The following PTPRM variants were observed in gnomAD, a reference collection of about 807,000 sequenced individuals.
PTPRM encodes protein tyrosine phosphatase receptor type M.
A neutral mutation model predicts 186.7 loss-of-function variants in PTPRM; 47 were observed. The observed-to-expected ratio is 0.25, with a 90% confidence interval of 0.20 to 0.32. The LOEUF (loss-of-function observed/expected upper bound fraction) is 0.32, where lower values mean the gene tolerates loss of function less well. PTPRM is among the 10% of genes least tolerant of loss of function. PTPRM has a pLI of 1.00. For missense variants in PTPRM, 1,494 were observed against 1,865.0 expected, an observed-to-expected ratio of 0.80 and a Z score of 3.66; for synonymous variants, 668 against 674.9, an observed-to-expected ratio of 0.99 and a Z score of 0.16.
chr18:8,376,421 G>A (rs2095695323), intron 25 of PTPRM, 41 bp from the exon 26 acceptor site: 1 of 1,612,974 alleles, frequency 6.2e-7, no homozygotes, highest in South Asian at 1.1e-5. Flanking sequence ...GCAGCAGTGT[G>A]GTCCTTCTTC....
At chr18:7,962,181 A>G (rs1191731977) in intron 7 of PTPRM, among the ~76,000 whole-genome samples, 1 of 152,132 alleles carries the variant, frequency 6.6e-6, no homozygotes, top group Non-Finnish European at 1.5e-5. Context: ...GAACAGATGT[A>G]TTTGTGTAGC....
chr18:8,401,579 C>G (rs1397440010), intron 32 of PTPRM, among the ~76,000 whole-genome samples: 1 of 152,224 alleles, frequency 6.6e-6, no homozygotes, highest in Non-Finnish European at 1.5e-5. Context: ...TCAAAAGCAA[C>G]CAGGTCAGAG....
intron 1 of PTPRM, among the ~76,000 whole-genome samples, chr18:7,766,762 G>T (rs1162565391): frequency 6.6e-6 from 1 of 152,156 alleles, no homozygotes; most frequent in Non-Finnish European, 1.5e-5. Flanking sequence ...ATACCTTCTT[G>T]CCCACTAGTA....
At chr18:7,805,842 A>G (rs1403479677) in intron 2 of PTPRM, among the ~76,000 whole-genome samples, 1 of 152,240 alleles carries the variant, frequency 6.6e-6, no homozygotes, top group African/African-American at 2.4e-5. Context: ...TAAAATGGAT[A>G]GCACCCTTCA....
At chr18:7,963,138 A>G (rs537202387) in intron 7 of PTPRM, among the ~76,000 whole-genome samples, 42 of 152,376 alleles carry the variant, frequency 2.8e-4, no homozygotes, top group South Asian at 1.2e-3. Context: ...TACCTTCCCT[A>G]TTATGCTGCA....
At chr18:7,772,744 A>G (rs1458776431) in intron 1 of PTPRM, among the ~76,000 whole-genome samples, 1 of 152,090 alleles carries the variant, frequency 6.6e-6, no homozygotes, top group Non-Finnish European at 1.5e-5. Context: ...CTGAGGTTGG[A>G]CAATGGCTGT....
intron 2 of PTPRM, among the ~76,000 whole-genome samples, chr18:7,881,296 A>G (rs2048493558): frequency 1.3e-5 from 2 of 152,028 alleles, no homozygotes; most frequent in Non-Finnish European, 2.9e-5. Flanking sequence ...TTAGCTGGAC[A>G]CAGTGGTGCG....
At position 7,673,980 on chromosome 18, in the gene PTPRM, T is replaced by C. The variant is rs545557654; in HGVS notation, c.74-100169T>C. 1.4e-3 allele frequency among the ~76,000 whole-genome samples: 216 copies of C among 152,232 alleles called. 1 individual carries two copies. Among genetic ancestry groups the C allele is most frequent in the Admixed American group, 6.5e-3 (100 of 15,282 alleles). ...AAGGGGAGAAGAGTACACGCAGCTC[T>C]TCTGAGAAGTTTCATCATGAAGAAG... is the stretch of plus-strand genomic sequence containing the variant. On this transcript the variant is annotated intron_variant, in intron 1 of 32. Coordinates refer to ENST00000580170, the MANE Select transcript of PTPRM (RefSeq NM_001105244.2).
In PTPRM at chr18:7,995,462, G is replaced by C. The variant is rs931005057; in HGVS notation, c.1132+40048G>C. On this transcript the variant is annotated intron_variant, in intron 7 of 32. Transcript: ENST00000580170. ...TAACCCTGATACCAAAACCAGACAA[G>C]GATGTAACAAATAAGACAACTACAG... is the stretch of plus-strand genomic sequence containing the variant. 2.6e-5 allele frequency: 4 copies of C among 152,058 alleles called. No homozygotes were observed. The East Asian group carries it at 7.7e-4, about 29-fold the overall frequency. The allele number at this position is 152,058 out of a possible 1,614,324, so 9.4% of individuals were successfully genotyped here.
chr18:7,937,358 G>C (rs975212305), intron 5 of PTPRM, among the ~76,000 whole-genome samples: 5 of 152,178 alleles, frequency 3.3e-5, no homozygotes, highest in Non-Finnish European at 7.3e-5. Flanking sequence ...GTTCCCCATT[G>C]CCAGCCTTGG....
At chr18:8,189,403 C>A (rs1015372016) in intron 14 of PTPRM, among the ~76,000 whole-genome samples, 1 of 152,000 alleles carries the variant, frequency 6.6e-6, no homozygotes, top group African/African-American at 2.4e-5. Context: ...AGGGGAAGGG[C>A]ATACTGATGT....
intron 1 of PTPRM, among the ~76,000 whole-genome samples, chr18:7,759,419 C>T (rs1294650906): frequency 1.3e-5 from 2 of 152,178 alleles, no homozygotes; most frequent in Non-Finnish European, 2.9e-5. Context: ...TCTTACAAGT[C>T]AGCCATATGA....
Position 8,379,047 on chromosome 18 carries a change from G to C in PTPRM, c.3613-120G>C, listed in dbSNP as rs6506579. On this transcript the variant is annotated intron_variant, in intron 27 of 32. Coordinates refer to ENST00000580170, the MANE Select transcript of PTPRM (RefSeq NM_001105244.2). Reference sequence around the variant, plus strand: ...CTCGAACTATGGTGGGTTGGGGAGGGAGGGGGAAGGGACCGTCTTGCAGTC... The same window carrying C: ...CTCGAACTATGGTGGGTTGGGGAGGCAGGGGGAAGGGACCGTCTTGCAGTC... 16,713 of 733,102 alleles carry C rather than the reference G, an allele frequency of 0.023. 2,039 individuals are homozygous for C. In the African/African-American group the frequency reaches 0.27, roughly 12 times the overall value. 45.4% of individuals were successfully genotyped at this position (733,102 alleles called of 1,614,324 possible).
intron 1 of PTPRM, among the ~76,000 whole-genome samples, chr18:7,638,908 TC>T (rs1162051870): frequency 6.6e-6 from 1 of 152,244 alleles, no homozygotes; most frequent in Non-Finnish European, 1.5e-5. Flanking sequence ...TAAATATTTT[TC>T]TACAGGCAAC....
intron 1 of PTPRM, among the ~76,000 whole-genome samples, chr18:7,762,354 G>A (rs2041814906): frequency 6.6e-6 from 1 of 151,962 alleles, no homozygotes; most frequent in South Asian, 2.1e-4. Flanking sequence ...TGCTGAACAG[G>A]TGCAGGGACC....
At chr18:7,621,022 GTAAA>G (rs967415615) in intron 1 of PTPRM, among the ~76,000 whole-genome samples, 41 of 152,136 alleles carry the variant, frequency 2.7e-4, no homozygotes, top group African/African-American at 8.4e-4. Flanking sequence ...TGTCTACTAA[GTAAA>G]TAAATAAATA....
At chr18:7,950,050 C>T (rs763070783) in intron 6 of PTPRM, among the ~76,000 whole-genome samples, 1 of 152,030 alleles carries the variant, frequency 6.6e-6, no homozygotes, top group African/African-American at 2.4e-5. Context: ...CAACCTGTGG[C>T]AAGCCATTGC....
intron 2 of PTPRM, among the ~76,000 whole-genome samples, chr18:7,809,047 G>A (rs7232227): frequency 0.014 from 2,123 of 152,228 alleles, 45 homozygotes; most frequent in African/African-American, 0.04. Context: ...TTAATTCTCA[G>A]CAGTCATTAC....
chr18:7,945,297 CAAAA>C (rs149613547), intron 5 of PTPRM, among the ~76,000 whole-genome samples: 4 of 135,822 alleles, frequency 2.9e-5, no homozygotes, highest in Non-Finnish European at 4.8e-5. Flanking sequence ...ACTAAAAATA[CAAAA>C]AAAAAAAAAA....
Sources: gnomAD v4.1 joint callset for allele counts (sites outside exome capture counted in the v4.1 genomes callset) on GRCh38, gnomAD v4.1.1 for gene constraint, MANE v1.5 for transcripts, NCBI Gene and HGNC (gene_info 2026-07-23, HGNC 2026-07-21) for gene names.